Variants in TLN2 observed in about 807,000 individuals in gnomAD.
The protein encoded by TLN2 is talin-2.
In TLN2, 118 loss-of-function variants were observed where a neutral mutation model predicts 294.7. The observed-to-expected ratio is 0.40, with a 90% CI of 0.34 to 0.47. TLN2 has a LOEUF of 0.47. TLN2 is among the 20% of genes least tolerant of loss of function. The pLI is 0.84. For missense variants in TLN2, 3,083 were observed against 3,282.2 expected (o/e 0.94, Z 1.48); for synonymous variants, 1,431 against 1,304.5 (o/e 1.10, Z -2.09).
chr15:62,783,209 T>C (rs780567042), intron 44 of TLN2, among the ~76,000 whole-genome samples: 1 of 152,252 alleles, frequency 6.6e-6, no homozygotes, highest in Non-Finnish European at 1.5e-5. Context: ...TGTTTTCCTC[T>C]AAAACACTGA....
At chr15:62,513,799 T>C (rs2040050561) in intron 1 of TLN2, among the ~76,000 whole-genome samples, 1 of 152,206 alleles carries the variant, frequency 6.6e-6, no homozygotes, top group South Asian at 2.1e-4. Context: ...AAATAAATAT[T>C]GATGGAATTG....
chr15:62,830,159 A>G (rs1024365435), intron 54 of TLN2: 5 of 152,234 alleles, frequency 3.3e-5, no homozygotes, highest in Non-Finnish European at 5.9e-5. Flanking sequence ...GAAAGAATGA[A>G]ACACCCAGAA....
chr15:62,740,171 C>T (rs1351179800), intron 31 of TLN2, among the ~76,000 whole-genome samples: 1 of 151,908 alleles, frequency 6.6e-6, no homozygotes, highest in South Asian at 2.1e-4. Flanking sequence ...TGTGCTTTCC[C>T]GAGTCAGGAA....
intron 9 of TLN2, among the ~76,000 whole-genome samples, chr15:62,670,215 G>A (rs2055232797): frequency 6.6e-6 from 1 of 152,150 alleles, no homozygotes. Flanking sequence ...TGATGGAGGA[G>A]CCAATGCCTA....
chr15:62,653,060 T>C, intron 6 of TLN2, 102 bp from the exon 7 acceptor site: 1 of 991,924 alleles, frequency 1.0e-6, no homozygotes, highest in Non-Finnish European at 1.4e-6. Flanking sequence ...CGTTTCTGGT[T>C]CTTTGCCACC....
intron 1 of TLN2, among the ~76,000 whole-genome samples, chr15:62,522,979 C>T (rs1234300034): frequency 4.9e-5 from 4 of 80,920 alleles, no homozygotes; most frequent in Non-Finnish European, 8.4e-5. Flanking sequence ...CACACACACA[C>T]TCTCTCACTC....
intron 10 of TLN2, 99 bp from the exon 11 acceptor site, chr15:62,675,118 C>G (rs1433277805): frequency 3.7e-6 from 4 of 1,083,100 alleles, no homozygotes; most frequent in Non-Finnish European, 5.5e-6. Flanking sequence ...ATGATCATTC[C>G]TAGCCATTTA....
chr15:62,437,750 GGGGTGT>G (rs894378377), intron 1 of TLN2, among the ~76,000 whole-genome samples: 78 of 73,768 alleles, frequency 1.1e-3, no homozygotes, highest in Non-Finnish European at 1.6e-3. Context: ...AAACACCATG[GGGGTGT>G]GTGTGTGTGT....
chr15:62,833,371 C>A, intron 54 of TLN2, 133 bp from the exon 55 acceptor site: 1 of 1,331,732 alleles, frequency 7.5e-7, no homozygotes. Flanking sequence ...GGAACCATCC[C>A]ATTTCAGGTG....
At chr15:62,666,332 C>T (rs2054636299) in intron 9 of TLN2, among the ~76,000 whole-genome samples, 1 of 152,114 alleles carries the variant, frequency 6.6e-6, no homozygotes, top group South Asian at 2.1e-4. Flanking sequence ...GCTTTTCCCT[C>T]ATGACTGGGA....
chr15:62,708,049 C>T (rs1172166144), intron 20 of TLN2, among the ~76,000 whole-genome samples: 5 of 151,846 alleles, frequency 3.3e-5, no homozygotes, highest in African/African-American at 1.2e-4. Context: ...TTACAAGGAA[C>T]TGACAGAACC....
chr15:62,805,993 A>G (rs1242179741), intron 51 of TLN2, among the ~76,000 whole-genome samples: 1 of 152,146 alleles, frequency 6.6e-6, no homozygotes, highest in Non-Finnish European at 1.5e-5. Context: ...ATTTGAGACC[A>G]GCCTGGGCAA....
chr15:62,522,219 C>T (rs1047669157), intron 1 of TLN2, among the ~76,000 whole-genome samples: 3 of 151,980 alleles, frequency 2.0e-5, no homozygotes, highest in Admixed American at 2.0e-4. Context: ...CCTCAAGGAT[C>T]GAAGAAAGCA....
Position 62,833,523 on chromosome 15 carries a change from A to C in TLN2, c.7022A>C (p.Asp2341Ala), listed in dbSNP as rs767589528. ...TTATAGCAAGCGGATGAGACCCTGG[A>C]CTTTGAGGAACAGATCTTGGAAGCT... is the stretch of plus-strand genomic sequence containing the variant. ...AKPKQADETL[D>A]FEEQILEAAK... Residue 2341 changes from aspartate to alanine, a missense_variant, in exon 55 of 59, where the codon GAC becomes GCC. Coordinates refer to ENST00000636159, the MANE Select transcript of TLN2 (RefSeq NM_015059.3). The C allele has an allele frequency of 1.2e-6, 2 of 1,613,990 alleles. No individual in the cohort carries two copies. The highest frequency in any genetic ancestry group is 3.3e-5 in the Admixed American group (2 of 59,986).
At chr15:62,717,535 T>C (rs1344902784) in intron 23 of TLN2, 41 bp from the exon 24 acceptor site, 1 of 1,382,104 alleles carries the variant, frequency 7.2e-7, no homozygotes, top group Non-Finnish European at 9.7e-7. Flanking sequence ...TGCATGTATA[T>C]TGCATATGCA....
At chr15:62,549,475 G>GCCATCCATGCATCCATCCAT (rs774084813) in intron 1 of TLN2, among the ~76,000 whole-genome samples, 6 of 125,212 alleles carry the variant, frequency 4.8e-5, no homozygotes, top group African/African-American at 1.8e-4. Flanking sequence ...TGCCATGCAT[G>GCCATCCATGCATCCATCCAT]CCATGCATCC....
intron 1 of TLN2, among the ~76,000 whole-genome samples, chr15:62,428,515 G>A (rs1365473277): frequency 2.0e-5 from 3 of 152,340 alleles, no homozygotes; most frequent in South Asian, 2.1e-4. Context: ...GTGAAGCCAC[G>A]TGCCTTGATC....
At chr15:62,665,717 A>G (rs1452827173) in intron 9 of TLN2, among the ~76,000 whole-genome samples, 1 of 152,154 alleles carries the variant, frequency 6.6e-6, no homozygotes, top group African/African-American at 2.4e-5. Context: ...AGATAATTCT[A>G]CTGTCAACAA....
At chr15:62,630,811 T>C in intron 3 of TLN2, among the ~76,000 whole-genome samples, 1 of 152,124 alleles carries the variant, frequency 6.6e-6, no homozygotes, top group East Asian at 1.9e-4. Flanking sequence ...ATGCTGTCTA[T>C]AAATATTTAT....
Sources: allele counts gnomAD v4.1 joint callset (sites outside exome capture counted in the v4.1 genomes callset), GRCh38; gene constraint gnomAD v4.1.1; transcripts MANE v1.5; gene names NCBI Gene and HGNC (gene_info 2026-07-23, HGNC 2026-07-21).